The following MYCBP2 variants were observed in gnomAD, a reference collection of about 807,000 sequenced individuals.
MYCBP2 encodes the protein E3 ubiquitin-protein ligase MYCBP2.
Under a neutral mutation model 525.3 loss-of-function variants are expected in MYCBP2, and 120 were observed. The ratio of observed to expected loss-of-function variants is 0.23; its 90% CI spans 0.20 to 0.27. MYCBP2 has a LOEUF of 0.27. Ranked by LOEUF, MYCBP2 falls within the 10% of genes least tolerant of loss-of-function variation. The probability of loss-of-function intolerance (pLI) is 1.00; values close to 1 mark genes in which losing one functional copy is unlikely to be tolerated. For missense variants in MYCBP2, 4,149 were observed against 5,657.1 expected, an observed-to-expected ratio of 0.73 and a Z score of 8.55; for synonymous variants, 1,894 against 1,955.8, an observed-to-expected ratio of 0.97 and a Z score of 0.83.
intron 49 of MYCBP2, among the ~76,000 whole-genome samples, chr13:77,141,465 AT>A (rs2054606170): frequency 6.6e-6 from 1 of 152,124 alleles, no homozygotes; most frequent in African/African-American, 2.4e-5. Context: ...GTTGTAGGAA[AT>A]AAATGACGTA....
At chr13:77,194,094 A>G (rs979616074) in intron 27 of MYCBP2, 59 bp downstream of exon 27, 117 of 1,076,960 alleles carry the variant, frequency 1.1e-4, no homozygotes, top group Middle Eastern at 8.4e-4. Flanking sequence ...ATTCATTTAT[A>G]ATAAATTTTT....
chr13:77,070,749 G>A (rs533494231), intron 68 of MYCBP2, 38 bp from the exon 69 acceptor site: 3 of 1,303,506 alleles, frequency 2.3e-6, no homozygotes, highest in East Asian at 2.4e-5. Context: ...AAAGAATGAA[G>A]TGGTCTCTTT....
In MYCBP2 at chr13:77,076,791, G is replaced by C; in HGVS notation, c.11783C>G (p.Ala3928Gly). ...AEPTPEQEEK[A>G]LLSSPEGEEK... ...TTCTCCTTCAGGTGATGACAATAGT[G>C]CTTTTTCCTCTTGTTCTGGTGTAGG... Residue 3928 changes from alanine to glycine, a missense_variant, in exon 68 of 83, where the codon GCA (alanine) becomes GGA (glycine). By Grantham distance (60) the Ala-to-Gly change is moderately conservative (BLOSUM62 0). Coordinates refer to ENST00000544440, the MANE Select transcript of MYCBP2 (RefSeq NM_015057.5). 6.2e-7 allele frequency: 1 copy of C among 1,612,638 alleles called. No individual in the cohort carries two copies.
intron 44 of MYCBP2, among the ~76,000 whole-genome samples, chr13:77,159,381 C>T (rs2057596900): frequency 6.6e-6 from 1 of 151,860 alleles, no homozygotes; most frequent in African/African-American, 2.4e-5. Context: ...TTTGGGACAC[C>T]ATTTTTTTTT....
At chr13:77,113,183 C>T (rs1401670851) in intron 55 of MYCBP2, among the ~76,000 whole-genome samples, 1 of 152,162 alleles carries the variant, frequency 6.6e-6, no homozygotes, top group Non-Finnish European at 1.5e-5. Context: ...CATCTCCACT[C>T]CTCCTTGCCT....
chr13:77,202,361 G>A (rs1332373998), intron 26 of MYCBP2, among the ~76,000 whole-genome samples: 1 of 152,180 alleles, frequency 6.6e-6, no homozygotes, highest in Admixed American at 6.5e-5. Flanking sequence ...TTGAATCTCT[G>A]AATAGACCAA....
chr13:77,101,942 A>G (rs1267052271), intron 55 of MYCBP2, among the ~76,000 whole-genome samples: 1 of 151,988 alleles, frequency 6.6e-6, no homozygotes, highest in African/African-American at 2.4e-5. Flanking sequence ...TATACGTAAT[A>G]CTTTCACATT....
At chr13:77,263,622 T>C (rs767891348) in intron 10 of MYCBP2, 29 bp downstream of exon 10, 5 of 1,582,978 alleles carry the variant, frequency 3.2e-6, no homozygotes, top group Non-Finnish European at 4.3e-6. Flanking sequence ...AATTAAAATA[T>C]AGGGAAAACA....
At chr13:77,238,259 A>G (rs1169900294) in intron 17 of MYCBP2, among the ~76,000 whole-genome samples, 1 of 151,236 alleles carries the variant, frequency 6.6e-6, no homozygotes, top group Non-Finnish European at 1.5e-5. Context: ...AAAAAAAAAA[A>G]AAAAAAAAGA....
chr13:77,288,303 T>C lies in MYCBP2; in HGVS notation c.452A>G (p.Tyr151Cys). 6.2e-7 allele frequency: 1 copy of C among 1,614,162 alleles called. No individual in the cohort carries two copies. Among genetic ancestry groups the C allele is most frequent in the Non-Finnish European group, 8.5e-7 (1 of 1,180,008 alleles). Residue 151 changes from tyrosine (Y) to cysteine (C), a missense_variant, in exon 3 of 83, where the codon TAC becomes TGC. Tyr to Cys is a radical substitution (Grantham distance 194). This residue lies in a region of MYCBP2 where 413 missense variants were observed against 451.2 expected (regional missense o/e 0.92). Coordinates refer to ENST00000544440, the MANE Select transcript of MYCBP2 (RefSeq NM_015057.5). ...CAGAACGCAATGGCGTACATTACAGTAAATATTGAAAGCAGAAGGATTGCT... is the reference window on the plus strand; with the variant it reads ...CAGAACGCAATGGCGTACATTACAGCAAATATTGAAAGCAGAAGGATTGCT... The part of the protein sequence containing the change: ...LHSNPSAFNI[Y>C]CNVRHCVLEW...
At chr13:77,277,484 A>C (rs1221035788) in intron 4 of MYCBP2, among the ~76,000 whole-genome samples, 5 of 152,226 alleles carry the variant, frequency 3.3e-5, no homozygotes, top group Non-Finnish European at 7.4e-5. Flanking sequence ...AAAACAAACA[A>C]AAGTCAAACA....
intron 47 of MYCBP2, among the ~76,000 whole-genome samples, chr13:77,150,531 C>T (rs1055300576): frequency 6.6e-6 from 1 of 152,132 alleles, no homozygotes; most frequent in Non-Finnish European, 1.5e-5. Context: ...AATTGGTGAT[C>T]CCCTCTGGAC....
At chr13:77,101,485 A>G (rs1201017221) in intron 55 of MYCBP2, among the ~76,000 whole-genome samples, 1 of 152,092 alleles carries the variant, frequency 6.6e-6, no homozygotes, top group Non-Finnish European at 1.5e-5. Context: ...TGGTTGCCTG[A>G]AAAATGGAAT....
At chr13:77,064,171 GAAGT>G (rs2039818982) in intron 73 of MYCBP2, among the ~76,000 whole-genome samples, 1 of 152,116 alleles carries the variant, frequency 6.6e-6, no homozygotes, top group South Asian at 2.1e-4. Context: ...TTGCTTTTTA[GAAGT>G]AAGACCTATA....
chr13:77,235,256 A>G (rs1318212797), intron 17 of MYCBP2, among the ~76,000 whole-genome samples: 2 of 152,140 alleles, frequency 1.3e-5, no homozygotes, highest in Non-Finnish European at 2.9e-5. Flanking sequence ...ATCTATACAC[A>G]TTATGTCCTG....
intron 10 of MYCBP2, among the ~76,000 whole-genome samples, chr13:77,262,719 A>T (rs1276236408): frequency 6.6e-6 from 1 of 151,954 alleles, no homozygotes; most frequent in Non-Finnish European, 1.5e-5. Context: ...ACACACACAG[A>T]TCCTTATGCA....
intron 37 of MYCBP2, among the ~76,000 whole-genome samples, chr13:77,173,433 T>A (rs1291538390): frequency 6.6e-6 from 1 of 152,220 alleles, no homozygotes; most frequent in Non-Finnish European, 1.5e-5. Context: ...GGCAAAAGAC[T>A]AGACAGCTTT....
At chr13:77,157,438 T>A (rs1260441011) in intron 45 of MYCBP2, among the ~76,000 whole-genome samples, 1 of 152,140 alleles carries the variant, frequency 6.6e-6, no homozygotes, top group Non-Finnish European at 1.5e-5. Context: ...TGGCCAGACT[T>A]GTCTTCAACT....
chr13:77,250,040 GGT>G (rs1247233403), intron 15 of MYCBP2, among the ~76,000 whole-genome samples: 5 of 151,896 alleles, frequency 3.3e-5, no homozygotes, highest in African/African-American at 1.2e-4. Context: ...CGGCTAAAAC[GGT>G]GAAACCCCGT....
Sources: allele counts gnomAD v4.1 joint callset (sites outside exome capture counted in the v4.1 genomes callset), GRCh38; gene constraint gnomAD v4.1.1; regional missense constraint gnomAD v4.1.1; transcripts MANE v1.5; gene names NCBI Gene and HGNC (gene_info 2026-07-23, HGNC 2026-07-21).